The following TVP23A variants were observed in gnomAD, a reference collection of about 807,000 sequenced individuals.
TVP23A encodes Golgi apparatus membrane protein TVP23 homolog A.
Under a neutral mutation model 31.7 loss-of-function variants are expected in TVP23A, and 21 were observed. The observed-to-expected ratio is 0.66, with a 90% CI of 0.47 to 0.95. The LOEUF (loss-of-function observed/expected upper bound fraction) is 0.95. Among genes scored for constraint, TVP23A ranks in the 40% least tolerant of loss-of-function variants. The pLI is 0.00. For synonymous variants in TVP23A, 104 were observed against 96.0 expected (o/e 1.08, Z -0.49); for missense variants, 279 against 255.6 (o/e 1.09, Z -0.62).
Position 10,803,691 on chromosome 16 carries a change from C to T in TVP23A, c.89+14412G>A, listed in dbSNP as rs566529576. Among the ~76,000 whole-genome samples, 3 of 152,214 alleles carry T rather than the reference C, an allele frequency of 2.0e-5. No individual in the cohort carries two copies. In the South Asian group the frequency reaches 6.2e-4, roughly 32 times the overall value. On this transcript the variant is annotated intron_variant, in intron 2 of 7. Coordinates refer to ENST00000299866, the MANE Select transcript of TVP23A (RefSeq NM_001079512.4). ...CCCAGCAGGGTATCCATGAGGCTCT[C>T]GGTTCTTTATTGACATTTTAACCAA...
At chr16:10,762,842 G>T (rs2030193812), downstream of TVP23A, among the ~76,000 whole-genome samples, 1 of 152,124 alleles carries the variant, frequency 6.6e-6, no homozygotes, top group African/African-American at 2.4e-5. Context: ...CCCGTGGAGA[G>T]CCTGGAGGCG....
Position 10,818,230 on chromosome 16 carries a change from C to G in TVP23A, c.10-48G>C. On this transcript the variant is annotated intron_variant, in intron 1 of 7. Transcript: ENST00000299866. This position sits in a 1 kb window ranked among gnomAD's most constrained non-coding sequence, Gnocchi z 4.7. Reference sequence around the variant, plus strand: ...TGGCAGGCCCAAGCACGGCGCACACCCCAACCCCACCCGCCCTGTCCTCCT... The same window carrying G: ...TGGCAGGCCCAAGCACGGCGCACACGCCAACCCCACCCGCCCTGTCCTCCT... 6.9e-7 allele frequency: 1 copy of G among 1,452,946 alleles called. No homozygotes were observed. The allele number at this position is 1,452,946 out of a possible 1,614,324, so 90.0% of individuals were successfully genotyped here.
chr16:10,785,168 G>C (rs1037224899), intron 2 of TVP23A, among the ~76,000 whole-genome samples: 12 of 151,596 alleles, frequency 7.9e-5, no homozygotes, highest in African/African-American at 2.9e-4. Flanking sequence ...ACTTTGGGAG[G>C]CCAAGGCGGG....
chr16:10,791,551 C>T (rs955067455), intron 2 of TVP23A, among the ~76,000 whole-genome samples: 1 of 152,172 alleles, frequency 6.6e-6, no homozygotes, highest in Non-Finnish European at 1.5e-5. Flanking sequence ...CCAAGTTGTG[C>T]CAATAGGAAA....
At position 10,774,029 on chromosome 16, in the gene TVP23A, T is replaced by C; in HGVS notation, c.324+10A>G. The C allele has an allele frequency of 6.2e-7, 1 of 1,605,456 alleles. No homozygotes were observed. Among genetic ancestry groups the C allele is most frequent in the Middle Eastern group, 1.7e-4 (1 of 6,044 alleles). ...CCGCTCTGGTTAGTTCAGCTCGTCATGGAGAATACCTTCCTGGCTTCAAAG... is the reference window on the plus strand; with the variant it reads ...CCGCTCTGGTTAGTTCAGCTCGTCACGGAGAATACCTTCCTGGCTTCAAAG... On this transcript the variant is annotated intron_variant, in intron 4 of 7. Coordinates refer to ENST00000299866, the MANE Select transcript of TVP23A (RefSeq NM_001079512.4).
intron 6 of TVP23A, among the ~76,000 whole-genome samples, chr16:10,771,403 T>A (rs1246829246): frequency 6.7e-6 from 1 of 149,084 alleles, no homozygotes; most frequent in African/African-American, 2.5e-5. Context: ...GGCATGGTGG[T>A]ACACACCTGT....
Position 10,818,368 on chromosome 16 carries a change from G to A in TVP23A, c.9+117C>T, listed in dbSNP as rs2034535790. 5 of 1,469,784 alleles carry A rather than the reference G, an allele frequency of 3.4e-6. No individual in the cohort carries two copies. Among genetic ancestry groups the A allele is most frequent in the Non-Finnish European group, 4.6e-6 (5 of 1,085,242 alleles). 91.0% of individuals were successfully genotyped at this position (1,469,784 alleles called of 1,614,324 possible). On this transcript the variant is annotated intron_variant, in intron 1 of 7. Transcript: ENST00000299866. This position sits in a 1 kb window ranked among gnomAD's most constrained non-coding sequence, Gnocchi z 4.7. ...CCCTCTCCACCCTCCCGACCACCGGGTGCAGCCCAGCCCCAGGCCCCGGCG... is the reference window on the plus strand; with the variant it reads ...CCCTCTCCACCCTCCCGACCACCGGATGCAGCCCAGCCCCAGGCCCCGGCG...
intron 2 of TVP23A, among the ~76,000 whole-genome samples, chr16:10,788,772 C>T (rs1225359265): frequency 6.6e-6 from 1 of 152,166 alleles, no homozygotes; most frequent in African/African-American, 2.4e-5. Context: ...TGTGCTCAAA[C>T]AGCGTATTTT....
intron 2 of TVP23A, among the ~76,000 whole-genome samples, chr16:10,816,153 A>G (rs376315280): frequency 1.3e-5 from 2 of 150,528 alleles, no homozygotes; most frequent in East Asian, 3.9e-4. Context: ...CTTGAACCCA[A>G]AAGTTTGAGG....
chr16:10,808,442 G>C, intron 2 of TVP23A: 3 of 447,296 alleles, frequency 6.7e-6, no homozygotes, highest in South Asian at 4.7e-5. Context: ...TAGTGTCTGA[G>C]ACCACAGGAC....
At chr16:10,782,552 G>C (rs1038895999) in intron 2 of TVP23A, among the ~76,000 whole-genome samples, 15 of 152,066 alleles carry the variant, frequency 9.9e-5, no homozygotes, top group African/African-American at 3.4e-4. Flanking sequence ...TCCCAGGCTG[G>C]AGTGCAGTGG....
At position 10,779,366 on chromosome 16, in the gene TVP23A, T is replaced by C. The variant is rs2032280335; in HGVS notation, c.90-4270A>G. 6.6e-6 allele frequency among the ~76,000 whole-genome samples: 1 copy of C among 152,312 alleles called. No homozygotes were observed. Among genetic ancestry groups the C allele is most frequent in the African/African-American group, 2.4e-5 (1 of 41,578 alleles). On this transcript the variant is annotated intron_variant, in intron 2 of 7. Transcript: ENST00000299866. The surrounding 1 kb of genome is among the most constrained non-coding windows in gnomAD (Gnocchi z 4.9). Reference sequence around the variant, plus strand: ...ATACTGTGTGATCTCAGACCAGTTTTCCAGAGTTTTGAGAGTCATGGCTTA... The same window carrying C: ...ATACTGTGTGATCTCAGACCAGTTTCCCAGAGTTTTGAGAGTCATGGCTTA...
At chr16:10,803,240 C>T (rs1048745360) in intron 2 of TVP23A, among the ~76,000 whole-genome samples, 5 of 109,882 alleles carry the variant, frequency 4.6e-5, no homozygotes, top group African/African-American at 2.8e-4. Flanking sequence ...GCCGAGATCG[C>T]GCCACTGTGT....
At chr16:10,766,360 C>G (rs1248334717), downstream of TVP23A, among the ~76,000 whole-genome samples, 1 of 152,138 alleles carries the variant, frequency 6.6e-6, no homozygotes, top group African/African-American at 2.4e-5. The surrounding 1 kb of genome is among the most constrained non-coding windows in gnomAD (Gnocchi z 4.8). Context: ...ACCAGCTGTT[C>G]TGATAATGCT....
chr16:10,765,700 G>A (rs1270422563), downstream of TVP23A, among the ~76,000 whole-genome samples: 1 of 152,188 alleles, frequency 6.6e-6, no homozygotes, highest in South Asian at 2.1e-4. This position sits in a 1 kb window ranked among gnomAD's most constrained non-coding sequence, Gnocchi z 4.0. Context: ...CCCTGGCATT[G>A]GCCCTGGTCT....
chr16:10,809,571 G>A lies in TVP23A; in HGVS notation c.89+8532C>T, dbSNP rs749145980. 3.3e-5 allele frequency among the ~76,000 whole-genome samples: 5 copies of A among 152,372 alleles called. No homozygotes were observed. The Middle Eastern group carries it at 0.014, about 415-fold the overall frequency. On this transcript the variant is annotated intron_variant, in intron 2 of 7. Transcript: ENST00000299866. ...GCAGTAGTAGAGCAAAAGGAGCTAT[G>A]TGGGTGCAGGGGCTAGATCTCCCAA...
chr16:10,766,405 A>G (rs1338409502), downstream of TVP23A, among the ~76,000 whole-genome samples: 1 of 152,112 alleles, frequency 6.6e-6, no homozygotes, highest in Admixed American at 6.6e-5. This position sits in a 1 kb window ranked among gnomAD's most constrained non-coding sequence, Gnocchi z 4.8. Flanking sequence ...CCAGGGGGAA[A>G]TGCAGTTAGG....
chr16:10,809,312 T>C (rs370743352), intron 2 of TVP23A, among the ~76,000 whole-genome samples: 9 of 152,222 alleles, frequency 5.9e-5, no homozygotes, highest in Non-Finnish European at 1.0e-4. Context: ...CCTGGGCTGA[T>C]GGGGGCCTGC....
intron 2 of TVP23A, among the ~76,000 whole-genome samples, chr16:10,791,857 C>T (rs184189405): frequency 0.016 from 2,405 of 152,288 alleles, 25 homozygotes; most frequent in Non-Finnish European, 0.025. Flanking sequence ...CCTCATGATC[C>T]GCCCGCCTCG....
Sources: allele counts gnomAD v4.1 joint callset (sites outside exome capture counted in the v4.1 genomes callset), GRCh38; gene constraint gnomAD v4.1.1; non-coding constraint Gnocchi (gnomAD v3.1); transcripts MANE v1.5; gene names NCBI Gene and HGNC (gene_info 2026-07-23, HGNC 2026-07-21).